Variants in KPNA7 observed in about 807,000 individuals in gnomAD.
The protein encoded by KPNA7 is karyopherin subunit alpha 7, also known as importin subunit alpha-8.
KPNA7 carries 54 observed loss-of-function variants against 53.7 expected under a neutral mutation model. That is an observed-to-expected ratio of 1.01 (90% confidence interval 0.81 to 1.26). The LOEUF is 1.26. KPNA7 is among the 50% of genes most tolerant of loss of function. The probability of loss-of-function intolerance (pLI) is 0.00; values close to 1 mark genes in which losing one functional copy is unlikely to be tolerated. For synonymous variants in KPNA7, 276 were observed against 259.3 expected (o/e 1.06, Z -0.62); for missense variants, 640 against 644.5 (o/e 0.99, Z 0.07).
the KPNA7 span, among the ~76,000 whole-genome samples, chr7:99,161,887 A>AC: frequency 1.3e-5 from 2 of 152,096 alleles, no homozygotes; most frequent in Non-Finnish European, 2.9e-5. Context: ...AGTAGAACTG[A>AC]CCCCAGGGCT....
In KPNA7 at chr7:99,188,231, T is replaced by C. The variant is rs774236036; in HGVS notation, c.900+69A>G. ...CCAGGGAAATGCAGATGACAAACCT[T>C]GCCCCAGAACCTGCTAAAGTGACTA... On this transcript the variant is annotated intron_variant, in intron 7 of 10. Coordinates refer to ENST00000327442, the MANE Select transcript of KPNA7 (RefSeq NM_001145715.3). The C allele has an allele frequency of 2.2e-5, 30 of 1,350,186 alleles. 1 individual carries two copies. The Admixed American group carries it at 4.3e-4, about 19-fold the overall frequency. The allele number at this position is 1,350,186 out of a possible 1,614,324, so 83.6% of individuals were successfully genotyped here.
intron 7 of KPNA7, 49 bp downstream of exon 7, chr7:99,188,251 T>G (rs764195081): frequency 6.6e-7 from 1 of 1,512,386 alleles, no homozygotes; most frequent in Non-Finnish European, 8.9e-7. Context: ...CCTGCTAAAG[T>G]GACTATGACC....
rs1584273193 is a variant in KPNA7 at position 99,183,886 on chromosome 7, C to T, written c.1134+1043G>A. 2.6e-5 allele frequency among the ~76,000 whole-genome samples: 4 copies of T among 152,118 alleles called. No homozygotes were observed. In the South Asian group the frequency reaches 8.3e-4, roughly 32 times the overall value. On this transcript the variant is annotated intron_variant, in intron 8 of 10. Coordinates refer to ENST00000327442, the MANE Select transcript of KPNA7 (RefSeq NM_001145715.3). The stretch of plus-strand genomic sequence containing the variant: ...TTTTGCGACAGTTTTACTCTTGCTG[C>T]CCAGGCTGGAGTATAGTGGCATGAT...
rs1563068943 is a variant in KPNA7 at position 99,181,033 on chromosome 7, G to GTCTCTCTCTCTCCATC, written c.1317+849_1317+850insGATGGAGAGAGAGAGA. Among the ~76,000 whole-genome samples the GTCTCTCTCTCTCCATC allele has an allele frequency of 1.9e-3, 29 of 15,220 alleles. 13 individuals are homozygous for GTCTCTCTCTCTCCATC. The highest frequency in any genetic ancestry group is 7.9e-3 in the South Asian group (4 of 508). The allele number at this position is 15,220 out of a possible 152,430, so 10.0% of individuals were successfully genotyped here. ...TCTCTCTGTGTGTGTGTCTCTCTGT[G>GTCTCTCTCTCTCCATC]TGTGTCTCTCTCTCTCTCTCCGTCT... On this transcript the variant is annotated intron_variant, in intron 9 of 10. Coordinates refer to ENST00000327442, the MANE Select transcript of KPNA7 (RefSeq NM_001145715.3).
At chr7:99,147,959 G>GTA in the KPNA7 span, among the ~76,000 whole-genome samples, 1 of 151,626 alleles carries the variant, frequency 6.6e-6, no homozygotes, top group Non-Finnish European at 1.5e-5. Context: ...CAAGGCTGCA[G>GTA]TGAGCTATGA....
intron 7 of KPNA7, among the ~76,000 whole-genome samples, chr7:99,185,853 C>G (rs187109248): frequency 6.6e-6 from 1 of 152,080 alleles, no homozygotes; most frequent in Non-Finnish European, 1.5e-5. Context: ...TATAGTGGTA[C>G]GATTTTGGTT....
At position 99,184,913 on chromosome 7, in the gene KPNA7, T is replaced by C. The variant is rs1455911785; in HGVS notation, c.1134+16A>G. On this transcript the variant is annotated intron_variant, in intron 8 of 10. Transcript: ENST00000327442. ...GAAAGTAGTCCTTTGCCATGGTTGCTGTGTGCGCCACTTACGTTTTTTAGC... is the reference window on the plus strand; with the variant it reads ...GAAAGTAGTCCTTTGCCATGGTTGCCGTGTGCGCCACTTACGTTTTTTAGC... The C allele has an allele frequency of 2.0e-5, 31 of 1,547,952 alleles. No individual in the cohort carries two copies. In the Admixed American group the frequency reaches 2.6e-4, roughly 13 times the overall value.
chr7:99,154,082 T>C, the KPNA7 span, among the ~76,000 whole-genome samples: 1 of 151,838 alleles, frequency 6.6e-6, no homozygotes, highest in African/African-American at 2.4e-5. Flanking sequence ...AAATCAGGGA[T>C]ACAGAATATT....
At chr7:99,168,006 C>G in the KPNA7 span, among the ~76,000 whole-genome samples, 61 of 148,888 alleles carry the variant, frequency 4.1e-4, no homozygotes, top group African/African-American at 1.4e-3. Flanking sequence ...CCCCTCTATC[C>G]GTAGAAAAAT....
intron 6 of KPNA7, among the ~76,000 whole-genome samples, chr7:99,191,630 C>G (rs530853476): frequency 6.6e-6 from 1 of 152,136 alleles, no homozygotes; most frequent in South Asian, 2.1e-4. Flanking sequence ...TTTATTGGTT[C>G]AACCATGTCA....
intron 3 of KPNA7, 64 bp downstream of exon 3, chr7:99,203,042 C>A (rs1790626437): frequency 6.6e-7 from 1 of 1,511,408 alleles, no homozygotes; most frequent in South Asian, 1.2e-5. Flanking sequence ...TAAATATTAT[C>A]CAGCCAGAGA....
intron 7 of KPNA7, among the ~76,000 whole-genome samples, chr7:99,186,546 C>G (rs1789602352): frequency 6.6e-6 from 1 of 152,058 alleles, no homozygotes; most frequent in South Asian, 2.1e-4. Context: ...AGTTTGAGAC[C>G]AGCCTGGCCA....
chr7:99,166,828 C>A, the KPNA7 span, among the ~76,000 whole-genome samples: 1 of 151,836 alleles, frequency 6.6e-6, no homozygotes, highest in Non-Finnish European at 1.5e-5. Flanking sequence ...ACCATGTCGG[C>A]CAGGCTGGTC....
In KPNA7 at chr7:99,207,391, T is replaced by C. The variant is rs1281321727; in HGVS notation, c.66+10A>G. On this transcript the variant is annotated intron_variant, in intron 2 of 10. Transcript: ENST00000327442. ...TCCCCAATAGAAGCAGGTGGGTGCT[T>C]CATACTCACAGACACATCTTTGCCT... is the stretch of plus-strand genomic sequence containing the variant. 3.9e-6 allele frequency: 6 copies of C among 1,550,824 alleles called. No individual in the cohort carries two copies. The highest frequency in any genetic ancestry group is 5.2e-6 in the Non-Finnish European group (6 of 1,146,536).
At chr7:99,166,351 C>A in the KPNA7 span, among the ~76,000 whole-genome samples, 3 of 152,072 alleles carry the variant, frequency 2.0e-5, no homozygotes, top group Non-Finnish European at 2.9e-5. Context: ...AGATGGTCTC[C>A]GTCATCCAGG....
chr7:99,190,194 A>G (rs1473704842), intron 6 of KPNA7, among the ~76,000 whole-genome samples: 1 of 151,898 alleles, frequency 6.6e-6, no homozygotes, highest in Non-Finnish European at 1.5e-5. Flanking sequence ...AAAATTAGCC[A>G]GGCGGGGTGG....
Position 99,188,478 on chromosome 7 carries a change from T to C in KPNA7, c.722A>G (p.Gln241Arg), listed in dbSNP as rs1432922372. 1 of 1,551,738 alleles carries C rather than the reference T, an allele frequency of 6.4e-7. No homozygotes were observed. The highest frequency in any genetic ancestry group is 8.7e-7 in the Non-Finnish European group (1 of 1,147,008). ...NPYPCDTAVK[Q>R]ILPALLHLLQ... ...GAGGTGAAGGAGGGCCGGCAGTATC[T>C]GCTTCACCGCAGTGTCGCAAGGGTA... The change falls in exon 7 of 11, where the codon CAG (glutamine) becomes CGG (arginine). Residue 241 changes from glutamine to arginine, a missense_variant. Coordinates refer to ENST00000327442, the MANE Select transcript of KPNA7 (RefSeq NM_001145715.3).
chr7:99,160,855 CAG>C, the KPNA7 span, among the ~76,000 whole-genome samples: 3 of 152,008 alleles, frequency 2.0e-5, no homozygotes, highest in South Asian at 6.2e-4. Flanking sequence ...TATCGTATAG[CAG>C]AGTGATTGTA....
At chr7:99,199,087 A>G (rs1488869868) in intron 3 of KPNA7, among the ~76,000 whole-genome samples, 1 of 149,324 alleles carries the variant, frequency 6.7e-6, no homozygotes, top group Non-Finnish European at 1.5e-5. Context: ...AAAAAAAAAA[A>G]AGGACTGAAA....
Sources: gnomAD v4.1 joint callset for allele counts (sites outside exome capture counted in the v4.1 genomes callset) on GRCh38, gnomAD v4.1.1 for gene constraint, MANE v1.5 for transcripts, NCBI Gene and HGNC (gene_info 2026-07-23, HGNC 2026-07-21) for gene names.